The following PLEKHA1 variants were observed in gnomAD, a reference collection of about 807,000 sequenced individuals.
PLEKHA1 encodes the protein pleckstrin homology domain containing A1, also known as pleckstrin homology domain-containing family A member 1.
A neutral mutation model predicts 52.0 loss-of-function variants in PLEKHA1; 34 were observed. That is an observed-to-expected ratio of 0.65 (90% confidence interval 0.50 to 0.87). The LOEUF is 0.87. PLEKHA1 is among the 40% of genes least tolerant of loss of function. The pLI, the probability that PLEKHA1 is intolerant of heterozygous loss-of-function variation, is 0.00. For synonymous variants in PLEKHA1, 163 were observed against 170.7 expected (o/e 0.95, Z 0.35); for missense variants, 497 against 504.2 (o/e 0.99, Z 0.14).
chr10:122,428,522 A>G, intron 11 of PLEKHA1: 3 of 1,032,422 alleles, frequency 2.9e-6, no homozygotes, highest in Non-Finnish European at 3.7e-6. Flanking sequence ...TGTGTATTTA[A>G]AAATAAAAAA....
At chr10:122,392,019 G>A (rs568037295) in intron 1 of PLEKHA1, among the ~76,000 whole-genome samples, 28 of 152,108 alleles carry the variant, frequency 1.8e-4, no homozygotes, top group Non-Finnish European at 3.7e-4. Flanking sequence ...AGATGTGATG[G>A]TGCCAGCTAT....
intron 11 of PLEKHA1, among the ~76,000 whole-genome samples, chr10:122,428,713 ACT>A (rs758831197): frequency 2.6e-5 from 4 of 152,188 alleles, no homozygotes; most frequent in Non-Finnish European, 5.9e-5. Context: ...CATTGGATAA[ACT>A]GTACATTACT....
At chr10:122,423,868 A>T (rs565822115) in intron 8 of PLEKHA1, 1 of 227,586 alleles carries the variant, frequency 4.4e-6, no homozygotes, top group Admixed American at 5.8e-5. Context: ...ATTCCAGAAA[A>T]GGAGATGCTG....
intron 6 of PLEKHA1, among the ~76,000 whole-genome samples, chr10:122,415,162 C>T (rs1175636268): frequency 1.3e-5 from 2 of 152,072 alleles, no homozygotes; most frequent in Non-Finnish European, 2.9e-5. Context: ...ACAGTCTGGA[C>T]GAATCTCTAG....
downstream of PLEKHA1, chr10:122,432,668 G>A (rs921437337): frequency 1.3e-5 from 2 of 152,058 alleles, no homozygotes; most frequent in African/African-American, 4.8e-5. Context: ...GCTGCTCACA[G>A]TGCTCCATGA....
Position 122,424,332 on chromosome 10 carries a change from A to G in PLEKHA1, c.746+69A>G, listed in dbSNP as rs184390467. On this transcript the variant is annotated intron_variant, in intron 9 of 11. Transcript: ENST00000368990. Reference sequence around the variant, plus strand: ...ACAGAATAGTGCCTTAGTTTGAGTAATGTACTTACAGATTACATTTTTCCA... The same window carrying G: ...ACAGAATAGTGCCTTAGTTTGAGTAGTGTACTTACAGATTACATTTTTCCA... The G allele has an allele frequency of 6.5e-5, 96 of 1,472,340 alleles. No individual in the cohort carries two copies. The East Asian group carries it at 1.5e-3, about 23-fold the overall frequency. The allele number at this position is 1,472,340 out of a possible 1,614,324, so 91.2% of individuals were successfully genotyped here.
chr10:122,408,280 C>T (rs1412736888), intron 5 of PLEKHA1, among the ~76,000 whole-genome samples: 2 of 152,004 alleles, frequency 1.3e-5, no homozygotes, highest in Non-Finnish European at 1.5e-5. Context: ...GGCTTTTTAC[C>T]ATTTTGGGGG....
chr10:122,424,626 A>T (rs142848367), intron 9 of PLEKHA1, among the ~76,000 whole-genome samples: 1 of 152,204 alleles, frequency 6.6e-6, no homozygotes, highest in African/African-American at 2.4e-5. Context: ...GAGCTTCACA[A>T]GAAAATGTGT....
At chr10:122,406,708 G>A (rs770795729) in intron 5 of PLEKHA1, 35 bp downstream of exon 5, 10 of 1,423,768 alleles carry the variant, frequency 7.0e-6, no homozygotes, top group Non-Finnish European at 9.9e-6. Context: ...AACGTTCGAT[G>A]TCTGGAATTA....
chr10:122,376,356 ATTTAAG>A (rs2096534522), intron 1 of PLEKHA1, among the ~76,000 whole-genome samples: 1 of 151,954 alleles, frequency 6.6e-6, no homozygotes, highest in Admixed American at 6.6e-5. Flanking sequence ...AAAAAAGAGT[ATTTAAG>A]TTTGACAGAA....
intron 1 of PLEKHA1, among the ~76,000 whole-genome samples, chr10:122,377,496 A>G (rs2096554183): frequency 6.6e-6 from 1 of 152,228 alleles, no homozygotes; most frequent in Admixed American, 6.5e-5. Context: ...ACCATTTGTG[A>G]GTACACATCC....
intron 6 of PLEKHA1, 115 bp from the exon 7 acceptor site, chr10:122,415,744 A>G (rs1353145587): frequency 3.9e-6 from 4 of 1,035,012 alleles, no homozygotes; most frequent in African/African-American, 3.2e-5. Flanking sequence ...AAACTCTTCA[A>G]AAATCTGTTT....
At chr10:122,437,541 T>G in the PLEKHA1 span, 1 of 152,160 alleles carries the variant, frequency 6.6e-6, no homozygotes, top group Non-Finnish European at 1.5e-5. Context: ...TGAAACTGGA[T>G]GAGATCATCT....
At chr10:122,424,415 C>A (rs2097308464) in intron 9 of PLEKHA1, 152 bp downstream of exon 9, 3 of 854,500 alleles carry the variant, frequency 3.5e-6, no homozygotes, top group South Asian at 3.2e-5. Context: ...ATTTTCAAAA[C>A]CCTCAGAGTA....
intron 1 of PLEKHA1, among the ~76,000 whole-genome samples, chr10:122,385,347 C>T (rs1281633554): frequency 5.3e-5 from 5 of 94,460 alleles, no homozygotes; most frequent in African/African-American, 1.3e-4. Flanking sequence ...GGCGGAGTTT[C>T]GCTCTTGCTG....
At chr10:122,404,509 G>A (rs554598711) in intron 4 of PLEKHA1, among the ~76,000 whole-genome samples, 13 of 152,130 alleles carry the variant, frequency 8.5e-5, no homozygotes, top group Non-Finnish European at 1.8e-4. Flanking sequence ...TAACATTGAG[G>A]GGAAGAAGCC....
In PLEKHA1 at chr10:122,426,653, G is replaced by C. The variant is rs1320304518; in HGVS notation, c.811-289G>C. Among the ~76,000 whole-genome samples the C allele has an allele frequency of 7.2e-5, 11 of 152,200 alleles. No individual in the cohort carries two copies. The South Asian group carries it at 2.1e-3, about 29-fold the overall frequency. On this transcript the variant is annotated intron_variant, in intron 10 of 11. Coordinates refer to ENST00000368990, the MANE Select transcript of PLEKHA1 (RefSeq NM_001001974.4). ...CAGTAGGTAGAGTGAAATAAGAAGG[G>C]TTTTTCTTGGACTTCCTCCTCTCCT...
At chr10:122,415,510 C>T (rs1429430490) in intron 6 of PLEKHA1, among the ~76,000 whole-genome samples, 4 of 152,190 alleles carry the variant, frequency 2.6e-5, no homozygotes, top group South Asian at 2.1e-4. Context: ...GATAATGTTA[C>T]GCCGTTTCCC....
intron 1 of PLEKHA1, chr10:122,392,966 C>A: frequency 2.6e-6 from 1 of 378,518 alleles, no homozygotes; most frequent in Non-Finnish European, 4.7e-6. Context: ...CTGTTGTCCC[C>A]ATCACAGTGA....
Sources: allele counts gnomAD v4.1 joint callset (sites outside exome capture counted in the v4.1 genomes callset), GRCh38; gene constraint gnomAD v4.1.1; transcripts MANE v1.5; gene names NCBI Gene and HGNC (gene_info 2026-07-23, HGNC 2026-07-21).